CYB5R4: variants seen among roughly 807,000 people sequenced by gnomAD.
CYB5R4 encodes cytochrome b5 reductase 4.
A neutral mutation model predicts 70.2 loss-of-function variants in CYB5R4; 55 were observed. The ratio of observed to expected loss-of-function variants is 0.78; its 90% CI spans 0.63 to 0.98. The LOEUF (loss-of-function observed/expected upper bound fraction) is 0.98, where lower values mean the gene tolerates loss of function less well. CYB5R4 is among the 50% of genes least tolerant of loss of function. The pLI, the probability that CYB5R4 is intolerant of heterozygous loss-of-function variation, is 0.00. For synonymous variants in CYB5R4, 197 were observed against 199.5 expected, an observed-to-expected ratio of 0.99 and a Z score of 0.11; for missense variants, 562 against 612.6, an observed-to-expected ratio of 0.92 and a Z score of 0.87.
chr6:83,914,751 G>A (rs572069107), intron 5 of CYB5R4, among the ~76,000 whole-genome samples: 1 of 151,832 alleles, frequency 6.6e-6, no homozygotes, highest in South Asian at 2.1e-4. Flanking sequence ...TGGTCAGGCT[G>A]GTCTTGAACT....
At chr6:83,873,141 AAATT>A (rs1240431897) in intron 2 of CYB5R4, among the ~76,000 whole-genome samples, 1 of 152,162 alleles carries the variant, frequency 6.6e-6, no homozygotes, top group Non-Finnish European at 1.5e-5. Flanking sequence ...GACATAACAT[AAATT>A]AATTAAGAAA....
rs2099474015 is a variant in CYB5R4, at chr6:83,966,124, G to A, written c.*6246G>A. 1 of 152,178 alleles carries A rather than the reference G, an allele frequency of 6.6e-6. No individual in the cohort carries two copies. The highest frequency in any genetic ancestry group is 1.5e-5 in the Non-Finnish European group (1 of 68,044). The allele number at this position is 152,178 out of a possible 1,614,324, so 9.4% of individuals were successfully genotyped here. A position where few individuals can be genotyped will look rare whatever the true frequency, so the allele number is the denominator to read the frequency against. ...ATTAAGTGGCTGTTCAGGGGATACA[G>A]GAATAGGGGATAATAACTAAAGGGT... On this transcript the variant is annotated 3_prime_UTR_variant, in exon 16 of 16. Coordinates refer to ENST00000369681, the MANE Select transcript of CYB5R4 (RefSeq NM_016230.4).
intron 2 of CYB5R4, among the ~76,000 whole-genome samples, chr6:83,889,071 A>T: frequency 6.6e-6 from 1 of 152,230 alleles, no homozygotes; most frequent in East Asian, 1.9e-4. Flanking sequence ...CTGTGGAAGA[A>T]AAGTTAGAAA....
At position 83,893,572 on chromosome 6, in the gene CYB5R4, G is replaced by A; in HGVS notation, c.280G>A (p.Asp94Asn). 2 of 1,613,412 alleles carry A rather than the reference G, an allele frequency of 1.2e-6. No homozygotes were observed. The highest frequency in any genetic ancestry group is 1.1e-5 in the South Asian group (1 of 91,040). ...TATGGAGTATCATCCTGGTGGAGAA[G>A]ATGAACTAATGAGAGCAGCAGGATC... ...PYMEYHPGGEDELMRAAGSDG... is the reference protein window; with the variant it reads ...PYMEYHPGGENELMRAAGSDG... Residue 94 changes from aspartate (D) to asparagine (N), a missense_variant, in exon 3 of 16, where the codon GAT (aspartate) becomes AAT (asparagine). Coordinates refer to ENST00000369681, the MANE Select transcript of CYB5R4 (RefSeq NM_016230.4).
chr6:83,892,283 A>G (rs967420303), intron 2 of CYB5R4, among the ~76,000 whole-genome samples: 8 of 152,194 alleles, frequency 5.3e-5, no homozygotes, highest in Non-Finnish European at 1.2e-4. Flanking sequence ...TAGCTGGTCA[A>G]AAAACTGCAG....
Position 83,940,126 on chromosome 6 carries a change from C to T in CYB5R4, c.1179C>T (p.Leu393=). Residue 393 remains leucine, a synonymous_variant, in exon 13 of 16, where the codon CTC becomes CTT. Transcript: ENST00000369681. ...KISKFQELED[L]FLLAAGTGFT... The stretch of plus-strand genomic sequence containing the variant: ...CCAAGTTCCAAGAATTAGAAGATCT[C>T]TTTTTGTTGGCAGCTGGAACAGGCT... The T allele has an allele frequency of 6.2e-7, 1 of 1,612,204 alleles. No homozygotes were observed. The highest frequency in any genetic ancestry group is 8.5e-7 in the Non-Finnish European group (1 of 1,179,046).
intron 2 of CYB5R4, among the ~76,000 whole-genome samples, chr6:83,891,805 A>G (rs2099461163): frequency 6.6e-6 from 1 of 152,190 alleles, no homozygotes; most frequent in Admixed American, 6.6e-5. Flanking sequence ...GAGAACATGT[A>G]TGGAATGTTT....
intron 3 of CYB5R4, among the ~76,000 whole-genome samples, chr6:83,895,968 T>A (rs2099461833): frequency 6.6e-6 from 1 of 152,230 alleles, no homozygotes; most frequent in African/African-American, 2.4e-5. Flanking sequence ...CCTCTTATCT[T>A]GCATTTCCAA....
intron 4 of CYB5R4, chr6:83,910,109 C>T (rs1438485482): frequency 6.2e-7 from 1 of 1,605,598 alleles, no homozygotes; most frequent in Non-Finnish European, 8.5e-7. Context: ...GAGATAGACA[C>T]CAGGACCTAT....
rs190905515 is a variant in CYB5R4 at position 83,913,867 on chromosome 6, A to G, written c.413-549A>G. Reference sequence around the variant, plus strand: ...TGTGAGTTGGCCGCCATCCTGAAAGAAAATACCTGTTAATTTTTTTCCTGG... The same window carrying G: ...TGTGAGTTGGCCGCCATCCTGAAAGGAAATACCTGTTAATTTTTTTCCTGG... On this transcript the variant is annotated intron_variant, in intron 4 of 15. Transcript: ENST00000369681. Among the ~76,000 whole-genome samples the G allele has an allele frequency of 3.1e-3, 477 of 152,284 alleles. 4 individuals are homozygous for G. The highest frequency in any genetic ancestry group is 0.011 in the African/African-American group (458 of 41,566).
At chr6:83,870,335 A>G (rs1188764322) in intron 2 of CYB5R4, among the ~76,000 whole-genome samples, 1 of 152,124 alleles carries the variant, frequency 6.6e-6, no homozygotes, top group Non-Finnish European at 1.5e-5. Context: ...ATAACCAACT[A>G]TATTTCTTTA....
At position 83,940,538 on chromosome 6, in the gene CYB5R4, A is replaced by G. The variant is rs564388241; in HGVS notation, c.1283A>G (p.Asn428Ser). 96 of 1,592,760 alleles carry G rather than the reference A, an allele frequency of 6.0e-5. No homozygotes were observed. In the South Asian group the frequency reaches 9.5e-4, roughly 16 times the overall value. ...SLRKVKLMFF[N>S]KTEDDIIWRS... ...AGGAAAGTGAAGCTGATGTTCTTCA[A>G]TAAAACAGAAGATGATATAATTTGG... The change falls in exon 14 of 16, where the codon AAT (asparagine) becomes AGT (serine). Residue 428 changes from asparagine to serine, a missense_variant. Physicochemically the swap from Asn to Ser is conservative, Grantham distance 46. Transcript: ENST00000369681.
rs938401541 is a variant in CYB5R4 at position 83,964,982 on chromosome 6, G to A, written c.*5104G>A. 1 of 152,218 alleles carries A rather than the reference G, an allele frequency of 6.6e-6. No individual in the cohort carries two copies. Among genetic ancestry groups the A allele is most frequent in the Non-Finnish European group, 1.5e-5 (1 of 68,048 alleles). 9.4% of individuals were successfully genotyped at this position (152,218 alleles called of 1,614,324 possible). ...TGGGTGCACAGAAGTCAAGAAATGGGGTTTGGGAACCTCTGTCTAGATTTC... is the reference window on the plus strand; with the variant it reads ...TGGGTGCACAGAAGTCAAGAAATGGAGTTTGGGAACCTCTGTCTAGATTTC... On this transcript the variant is annotated 3_prime_UTR_variant, in exon 16 of 16. Coordinates refer to ENST00000369681, the MANE Select transcript of CYB5R4 (RefSeq NM_016230.4).
chr6:83,891,225 G>A (rs1405705077), intron 2 of CYB5R4, among the ~76,000 whole-genome samples: 1 of 152,144 alleles, frequency 6.6e-6, no homozygotes, highest in Admixed American at 6.6e-5. Context: ...GGGATTACAG[G>A]CATAAGCCGC....
rs922078751 is a variant in CYB5R4, at chr6:83,964,899, A to G, written c.*5021A>G. On this transcript the variant is annotated 3_prime_UTR_variant, in exon 16 of 16. Coordinates refer to ENST00000369681, the MANE Select transcript of CYB5R4 (RefSeq NM_016230.4). ...AAGGGGCCAACATGAAGCTCAGGCC[A>G]TGGCTTCAGAGGGTGAAAGCCTTAA... The G allele has an allele frequency of 2.0e-5, 3 of 152,316 alleles. No homozygotes were observed. Among genetic ancestry groups the G allele is most frequent in the Admixed American group, 6.5e-5 (1 of 15,286 alleles). 9.4% of individuals were successfully genotyped at this position (152,316 alleles called of 1,614,324 possible).
intron 1 of CYB5R4, among the ~76,000 whole-genome samples, chr6:83,863,709 G>GAA (rs1008861981): frequency 4.6e-5 from 7 of 151,452 alleles, no homozygotes; most frequent in African/African-American, 1.5e-4. Context: ...AATATTTGGG[G>GAA]AAAAAAATTA....
In CYB5R4 at chr6:83,864,320, G is replaced by T; in HGVS notation, c.221G>T (p.Cys74Phe). 6.2e-7 allele frequency: 1 copy of T among 1,609,922 alleles called. No individual in the cohort carries two copies. ...KHNKKDDCWI[C>F]IRGFVYNVSP... is the part of the protein sequence containing the mutation. ...AACAAAAAAGATGATTGTTGGATAT[G>T]CATAAGAGGTAGGTGGTATTTATTA... The change falls in exon 2 of 16, where the codon TGC (cysteine) becomes TTC (phenylalanine). Residue 74 changes from cysteine (C) to phenylalanine (F), a missense_variant. Cys to Phe is a radical substitution (Grantham distance 205, BLOSUM62 -2). Transcript: ENST00000369681.
chr6:83,934,592 T>C lies in CYB5R4; in HGVS notation c.815-3T>C, dbSNP rs2129142198. The stretch of plus-strand genomic sequence containing the variant: ...CAATAAGAGAAAATGAATCACTTTT[T>C]AGGTTTGTACTACAGAAAGTGCCAG... On this transcript the variant is annotated splice_region_variant and splice_polypyrimidine_tract_variant and intron_variant, in intron 10 of 15. Coordinates refer to ENST00000369681, the MANE Select transcript of CYB5R4 (RefSeq NM_016230.4). The C allele has an allele frequency of 6.2e-7, 1 of 1,600,748 alleles. No individual in the cohort carries two copies. The highest frequency in any genetic ancestry group is 8.5e-7 in the Non-Finnish European group (1 of 1,170,414).
At chr6:83,935,849 G>A (rs118095503) in intron 11 of CYB5R4, among the ~76,000 whole-genome samples, 2,586 of 151,896 alleles carry the variant, frequency 0.017, 32 homozygotes, top group Middle Eastern at 0.058. Flanking sequence ...AAATTATTAG[G>A]TAAATAGTTT....
Sources: allele counts gnomAD v4.1 joint callset (sites outside exome capture counted in the v4.1 genomes callset), GRCh38; gene constraint gnomAD v4.1.1; transcripts MANE v1.5; gene names NCBI Gene and HGNC (gene_info 2026-07-23, HGNC 2026-07-21).